The following MAST2 variants were observed in gnomAD, a reference collection of about 807,000 sequenced individuals.
MAST2 encodes microtubule associated serine/threonine kinase 2, also known as microtubule-associated serine/threonine-protein kinase 2.
MAST2 carries 70 observed loss-of-function variants against 147.4 expected under a neutral mutation model. That is an observed-to-expected ratio of 0.47 (90% CI 0.39 to 0.58). The LOEUF (loss-of-function observed/expected upper bound fraction) is 0.58, where lower values mean the gene tolerates loss of function less well. Ranked by LOEUF, MAST2 falls within the 20% of genes least tolerant of loss-of-function variation. The probability of loss-of-function intolerance (pLI) is 0.00; values close to 1 mark genes in which losing one functional copy is unlikely to be tolerated. For synonymous variants in MAST2, 869 were observed against 896.8 expected (o/e 0.97, Z 0.55); for missense variants, 2,080 against 2,302.3 (o/e 0.90, Z 1.98).
At chr1:45,947,755 C>A (rs750906078) in intron 4 of MAST2, among the ~76,000 whole-genome samples, 1 of 152,218 alleles carries the variant, frequency 6.6e-6, no homozygotes, top group Non-Finnish European at 1.5e-5. Flanking sequence ...CTCGCTCTGT[C>A]GCCCAAGCTG....
chr1:45,895,541 G>A lies in MAST2; in HGVS notation c.500+13146G>A, dbSNP rs181395966. Among the ~76,000 whole-genome samples, 102 of 152,302 alleles carry A rather than the reference G, an allele frequency of 6.7e-4. 1 individual carries two copies. The highest frequency in any genetic ancestry group is 2.3e-3 in the African/African-American group (96 of 41,558). On this transcript the variant is annotated intron_variant, in intron 4 of 28. Transcript: ENST00000361297. ...ATTACCACTTCAGATTTACCTGTGG[G>A]AACCAAGCACTGATGTACATGGATG...
At chr1:45,994,214 C>T (rs12097799) in intron 5 of MAST2, among the ~76,000 whole-genome samples, 11 of 149,456 alleles carry the variant, frequency 7.4e-5, no homozygotes, top group African/African-American at 2.5e-4. Flanking sequence ...AGCCCCTCTC[C>T]ATTTCTGGGA....
intron 4 of MAST2, among the ~76,000 whole-genome samples, chr1:45,886,004 C>T (rs952677490): frequency 1.3e-5 from 2 of 151,988 alleles, no homozygotes; most frequent in African/African-American, 4.8e-5. Context: ...TGGTTCACAC[C>T]TGTAATCCGA....
intron 3 of MAST2, among the ~76,000 whole-genome samples, chr1:45,841,257 G>A (rs1026743237): frequency 6.6e-6 from 1 of 152,074 alleles, no homozygotes; most frequent in Non-Finnish European, 1.5e-5. Context: ...ACCGCACCTG[G>A]CAAATCTGTT....
intron 3 of MAST2, among the ~76,000 whole-genome samples, chr1:45,854,053 T>C (rs953815436): frequency 1.3e-5 from 2 of 152,166 alleles, no homozygotes; most frequent in African/African-American, 4.8e-5. Flanking sequence ...GTTGGACATA[T>C]TCAGGCCGGG....
At chr1:46,017,743 T>A (rs1333911325) in intron 10 of MAST2, among the ~76,000 whole-genome samples, 1 of 152,086 alleles carries the variant, frequency 6.6e-6, no homozygotes, top group Non-Finnish European at 1.5e-5. Context: ...GTTCAACCAT[T>A]GTGGAAGTCA....
Position 46,029,861 on chromosome 1 carries a change from TCTTTA to T in MAST2, c.2354_2358del (p.Phe785TrpfsTer13). 1 of 1,614,188 alleles carries T rather than the reference TCTTTA, an allele frequency of 6.2e-7. No individual in the cohort carries two copies. The highest frequency in any genetic ancestry group is 8.5e-7 in the Non-Finnish European group (1 of 1,180,036). ...GCCTATGAGGTGAAGCAGCACCCAT[TCTTTA>T]CTGGTCTGGACTGGACAGGACTTCT... On this transcript the variant is annotated frameshift_variant, in exon 20 of 29. Coordinates refer to ENST00000361297, the MANE Select transcript of MAST2 (RefSeq NM_015112.3). LOFTEE classifies it high-confidence loss of function.
intron 19 of MAST2, 103 bp downstream of exon 19, chr1:46,029,670 T>C (rs1646558890): frequency 2.2e-6 from 3 of 1,373,366 alleles, no homozygotes; most frequent in Non-Finnish European, 3.0e-6. Context: ...GCAGCCCCTC[T>C]GGATCCTGAA....
At chr1:45,861,698 C>CTTCCTT (rs1645986902) in intron 3 of MAST2, among the ~76,000 whole-genome samples, 1 of 151,844 alleles carries the variant, frequency 6.6e-6, no homozygotes, top group Non-Finnish European at 1.5e-5. Context: ...AATCCCCTCC[C>CTTCCTT]TTCCTTTTCA....
chr1:45,840,190 G>A (rs1645231516), intron 3 of MAST2, among the ~76,000 whole-genome samples: 2 of 152,114 alleles, frequency 1.3e-5, no homozygotes, highest in African/African-American at 4.8e-5. Flanking sequence ...TCTACAAGGG[G>A]GTGGAATGAT....
intron 3 of MAST2, among the ~76,000 whole-genome samples, chr1:45,863,378 C>T (rs1426712048): frequency 2.0e-5 from 3 of 152,088 alleles, no homozygotes; most frequent in Non-Finnish European, 4.4e-5. Context: ...TTTGTTTTCC[C>T]CATAGACATA....
intron 1 of MAST2, among the ~76,000 whole-genome samples, chr1:45,806,177 C>T (rs1333896662): frequency 1.3e-5 from 2 of 152,200 alleles, no homozygotes; most frequent in Non-Finnish European, 2.9e-5. Flanking sequence ...TTTCTCCTAG[C>T]ACTACTCTTT....
In MAST2 at chr1:45,990,205, T is replaced by C. The variant is rs1316763666; in HGVS notation, c.593-7519T>C. Among the ~76,000 whole-genome samples the C allele has an allele frequency of 4.6e-5, 7 of 152,240 alleles. No individual in the cohort carries two copies. The East Asian group carries it at 1.4e-3, about 29-fold the overall frequency. On this transcript the variant is annotated intron_variant, in intron 5 of 28. Transcript: ENST00000361297. ...GCATTCCTACTAACAATAACAAGAG[T>C]TCCTGTTGTTCCCCATCCTTTTTAG... is the stretch of plus-strand genomic sequence containing the variant.
chr1:45,829,496 G>C lies in MAST2; in HGVS notation c.383G>C (p.Trp128Ser), dbSNP rs1644888590. Reference sequence around the variant, plus strand: ...CATAGCAGTGTGGGACAGGTGACTTGGCAGTCGTCAGGAGAAGCATCAAAC... The same window carrying C: ...CATAGCAGTGTGGGACAGGTGACTTCGCAGTCGTCAGGAGAAGCATCAAAC... Reference protein sequence around the residue: ...SVHSSVGQVTWQSSGEASNLV... With the variant: ...SVHSSVGQVTSQSSGEASNLV... The change falls in exon 3 of 29, where the codon TGG (tryptophan) becomes TCG (serine). Residue 128 changes from tryptophan (W) to serine (S), a missense_variant. Physicochemically the swap from Trp to Ser is radical, Grantham distance 177 (BLOSUM62 -3). This residue lies in a region of MAST2 where 569 missense variants were observed against 642.5 expected (regional missense o/e 0.89). Coordinates refer to ENST00000361297, the MANE Select transcript of MAST2 (RefSeq NM_015112.3). 6.2e-7 allele frequency: 1 copy of C among 1,614,054 alleles called. No homozygotes were observed. The highest frequency in any genetic ancestry group is 8.5e-7 in the Non-Finnish European group (1 of 1,180,022).
At chr1:45,929,014 G>T (rs1002928334) in intron 4 of MAST2, among the ~76,000 whole-genome samples, 1 of 152,132 alleles carries the variant, frequency 6.6e-6, no homozygotes, top group East Asian at 1.9e-4. Flanking sequence ...TTGGGTTGAG[G>T]GGGTGGGAAG....
At chr1:45,910,745 G>C (rs141929580) in intron 4 of MAST2, among the ~76,000 whole-genome samples, 64 of 152,346 alleles carry the variant, frequency 4.2e-4, no homozygotes, top group African/African-American at 1.5e-3. Context: ...GGATATAACA[G>C]TTAATTTGTC....
intron 9 of MAST2, among the ~76,000 whole-genome samples, 175 bp downstream of exon 9, chr1:46,008,546 G>A (rs540477977): frequency 2.0e-5 from 3 of 152,228 alleles, no homozygotes; most frequent in Middle Eastern, 3.2e-3. Flanking sequence ...CTTCCAGACT[G>A]CTTGAGAAGG....
chr1:46,029,045 G>A (rs1056129414), intron 18 of MAST2, 112 bp downstream of exon 18: 27 of 1,196,300 alleles, frequency 2.3e-5, no homozygotes, highest in Non-Finnish European at 2.8e-5. Flanking sequence ...CATCATGTGT[G>A]TTTGTGATGT....
intron 3 of MAST2, among the ~76,000 whole-genome samples, chr1:45,873,861 C>T (rs954125668): frequency 1.1e-4 from 17 of 152,138 alleles, no homozygotes; most frequent in African/African-American, 3.6e-4. Flanking sequence ...CTCTCTGTTG[C>T]CCAGGCTGGA....
Sources: gnomAD v4.1 joint callset for allele counts (sites outside exome capture counted in the v4.1 genomes callset) on GRCh38, gnomAD v4.1.1 for gene constraint, gnomAD v4.1.1 regional missense constraint, MANE v1.5 for transcripts, NCBI Gene and HGNC (gene_info 2026-07-23, HGNC 2026-07-21) for gene names.